Variants in OSTF1 observed in about 807,000 individuals in gnomAD.
The protein encoded by OSTF1 is osteoclast stimulating factor 1, also known as osteoclast-stimulating factor 1.
OSTF1 carries 27 observed loss-of-function variants against 37.2 expected under a neutral mutation model. The observed-to-expected ratio is 0.73, with a 90% CI of 0.54 to 1.00. The LOEUF (loss-of-function observed/expected upper bound fraction) is 1.00, where lower values mean the gene tolerates loss of function less well. OSTF1 is among the 50% of genes least tolerant of loss of function. The pLI, the probability that OSTF1 is intolerant of heterozygous loss-of-function variation, is 0.00. For synonymous variants in OSTF1, 82 were observed against 89.2 expected, an observed-to-expected ratio of 0.92 and a Z score of 0.46; for missense variants, 232 against 253.8, an observed-to-expected ratio of 0.91 and a Z score of 0.58.
chr9:75,135,486 C>T (rs1825828264), intron 7 of OSTF1, among the ~76,000 whole-genome samples: 2 of 151,910 alleles, frequency 1.3e-5, no homozygotes, highest in Non-Finnish European at 2.9e-5. Context: ...TTTATCTGAC[C>T]CTTCTTTGTT....
At chr9:75,107,621 C>G (rs1232763120) in intron 1 of OSTF1, among the ~76,000 whole-genome samples, 2 of 152,240 alleles carry the variant, frequency 1.3e-5, no homozygotes, top group Non-Finnish European at 2.9e-5. Context: ...ATCAGATAGT[C>G]TGGAGCAATG....
intron 1 of OSTF1, among the ~76,000 whole-genome samples, chr9:75,105,609 C>T (rs1306023276): frequency 6.6e-6 from 1 of 151,884 alleles, no homozygotes; most frequent in Non-Finnish European, 1.5e-5. Context: ...ACTGATCTTG[C>T]CTTTTGCGGA....
At chr9:75,132,972 T>TACACAC (rs57913558) in intron 5 of OSTF1, among the ~76,000 whole-genome samples, 633 of 60,306 alleles carry the variant, frequency 0.01, 4 homozygotes, top group African/African-American at 0.022. Context: ...TACACACACA[T>TACACAC]ACACACACAC....
In OSTF1 at chr9:75,140,838, T is replaced by G. The variant is rs1413177395; in HGVS notation, c.492T>G (p.Ala164=). ...DIVQLLLAKG[A]RTDLRNIEKK... Reference sequence around the variant, plus strand: ...GACTTTTCTTGTGTTGGGAAGGTGCTAGAACAGACTTAAGAAACATTGAGA... The same window carrying G: ...GACTTTTCTTGTGTTGGGAAGGTGCGAGAACAGACTTAAGAAACATTGAGA... Residue 164 remains alanine, a synonymous_variant, in exon 9 of 10, where the codon GCT becomes GCG. Coordinates refer to ENST00000346234, the MANE Select transcript of OSTF1 (RefSeq NM_012383.5). The G allele has an allele frequency of 6.2e-7, 1 of 1,612,176 alleles. No homozygotes were observed.
chr9:75,144,905 C>T (rs1448663563), intron 9 of OSTF1, among the ~76,000 whole-genome samples: 1 of 151,988 alleles, frequency 6.6e-6, no homozygotes, highest in Non-Finnish European at 1.5e-5. Context: ...AGCAATAGTT[C>T]CTTTCCCTCT....
chr9:75,088,550 C>T lies in OSTF1; in HGVS notation c.-143C>T, dbSNP rs1035372295. 6.8e-6 allele frequency: 6 copies of T among 875,984 alleles called. No homozygotes were observed. Among genetic ancestry groups the T allele is most frequent in the Non-Finnish European group, 1.1e-5 (6 of 553,730 alleles). 54.3% of individuals were successfully genotyped at this position (875,984 alleles called of 1,614,324 possible). On this transcript the variant is annotated 5_prime_UTR_variant, in exon 1 of 10. Coordinates refer to ENST00000346234, the MANE Select transcript of OSTF1 (RefSeq NM_012383.5). ...CCGCTCTGCCTGCGTCCGCTCTTCC[C>T]GCAGCCAAGGGTGGGCGCCGGTCCT... is the stretch of plus-strand genomic sequence containing the variant.
intron 2 of OSTF1, among the ~76,000 whole-genome samples, chr9:75,118,839 G>C (rs1825534498): frequency 6.6e-6 from 1 of 152,150 alleles, no homozygotes; most frequent in South Asian, 2.1e-4. Context: ...TCTCCCACCA[G>C]GTGCCTCCCA....
chr9:75,117,360 A>G, intron 1 of OSTF1, 144 bp from the exon 2 acceptor site: 1 of 592,852 alleles, frequency 1.7e-6, no homozygotes, highest in Non-Finnish European at 3.0e-6. Flanking sequence ...CTTTCTCTCT[A>G]CCCTTTCCAG....
intron 1 of OSTF1, among the ~76,000 whole-genome samples, chr9:75,095,891 C>T (rs1205403176): frequency 1.3e-5 from 2 of 149,010 alleles, no homozygotes; most frequent in Non-Finnish European, 1.5e-5. Context: ...ACTGCTGTGG[C>T]CCCCCTTTTT....
intron 1 of OSTF1, among the ~76,000 whole-genome samples, chr9:75,110,132 T>C (rs1428917382): frequency 6.6e-6 from 1 of 152,218 alleles, no homozygotes; most frequent in East Asian, 1.9e-4. Flanking sequence ...TTTGCTCTTG[T>C]TGATGTGGTT....
chr9:75,105,973 A>G (rs920136419), intron 1 of OSTF1, among the ~76,000 whole-genome samples: 2 of 152,252 alleles, frequency 1.3e-5, no homozygotes, highest in African/African-American at 4.8e-5. Context: ...CACACTGTTA[A>G]TAAACAGAAC....
intron 2 of OSTF1, among the ~76,000 whole-genome samples, chr9:75,124,968 T>G (rs75168135): frequency 1.3e-5 from 2 of 152,142 alleles, no homozygotes; most frequent in Non-Finnish European, 2.9e-5. Flanking sequence ...CTTTGGGAGA[T>G]GTACTCAGTA....
intron 9 of OSTF1, among the ~76,000 whole-genome samples, chr9:75,143,607 T>G (rs1448830776): frequency 6.6e-6 from 1 of 152,198 alleles, no homozygotes; most frequent in Non-Finnish European, 1.5e-5. Context: ...TCTGTGAGAG[T>G]CATCCATATG....
chr9:75,120,095 G>A (rs1825555241), intron 2 of OSTF1, among the ~76,000 whole-genome samples: 1 of 152,176 alleles, frequency 6.6e-6, no homozygotes, highest in Admixed American at 6.5e-5. Flanking sequence ...TTCAACTTAT[G>A]ATGAACCCAA....
At position 75,141,169 on chromosome 9, in the gene OSTF1, T is replaced by C. The variant is rs79012146; in HGVS notation, c.586+237T>C. 2.0e-3 allele frequency among the ~76,000 whole-genome samples: 301 copies of C among 151,976 alleles called. 1 individual carries two copies. Among genetic ancestry groups the C allele is most frequent in the African/African-American group, 6.4e-3 (267 of 41,466 alleles). ...ACCAAAAATTAGTCAGACATTGTGGTGTGGGCCTGTAGTCCCAGCTACTCA... is the reference window on the plus strand; with the variant it reads ...ACCAAAAATTAGTCAGACATTGTGGCGTGGGCCTGTAGTCCCAGCTACTCA... On this transcript the variant is annotated intron_variant, in intron 9 of 9. Coordinates refer to ENST00000346234, the MANE Select transcript of OSTF1 (RefSeq NM_012383.5).
intron 1 of OSTF1, among the ~76,000 whole-genome samples, chr9:75,092,023 T>C (rs1455733408): frequency 6.7e-6 from 1 of 149,338 alleles, no homozygotes; most frequent in Non-Finnish European, 1.5e-5. Context: ...TAGCCATGTT[T>C]CTTACAGCTT....
chr9:75,133,053 A>G (rs1825788952), intron 5 of OSTF1, among the ~76,000 whole-genome samples: 1 of 151,332 alleles, frequency 6.6e-6, no homozygotes, highest in African/African-American at 2.4e-5. Flanking sequence ...CCTTAAGTAT[A>G]CCCATTTGGG....
At chr9:75,094,522 C>T (rs1825038370) in intron 1 of OSTF1, among the ~76,000 whole-genome samples, 1 of 152,078 alleles carries the variant, frequency 6.6e-6, no homozygotes, top group Non-Finnish European at 1.5e-5. Context: ...GGTCCCCTCC[C>T]TTGGCGTTTC....
chr9:75,109,388 A>T (rs1487435276), intron 1 of OSTF1, among the ~76,000 whole-genome samples: 1 of 152,230 alleles, frequency 6.6e-6, no homozygotes, highest in Non-Finnish European at 1.5e-5. Context: ...TATTAATTTT[A>T]GCATTTGGTC....
Sources: gnomAD v4.1 joint callset for allele counts (sites outside exome capture counted in the v4.1 genomes callset) on GRCh38, gnomAD v4.1.1 for gene constraint, MANE v1.5 for transcripts, NCBI Gene and HGNC (gene_info 2026-07-23, HGNC 2026-07-21) for gene names.